Variants in TEC observed in about 807,000 individuals in gnomAD.
TEC encodes tec protein tyrosine kinase, also known as tyrosine-protein kinase Tec.
TEC carries 72 observed loss-of-function variants against 93.0 expected under a neutral mutation model. That is an observed-to-expected ratio of 0.77 (90% CI 0.64 to 0.94). The LOEUF (loss-of-function observed/expected upper bound fraction) is 0.94. TEC is among the 40% of genes least tolerant of loss of function. TEC has a pLI of 0.00. For synonymous variants in TEC, 249 were observed against 247.7 expected, an observed-to-expected ratio of 1.01 and a Z score of -0.05; for missense variants, 630 against 757.9, an observed-to-expected ratio of 0.83 and a Z score of 1.98.
At chr4:48,206,777 CAAAAAAAAAAAAA>C (rs34761710) in intron 2 of TEC, among the ~76,000 whole-genome samples, 5 of 89,218 alleles carry the variant, frequency 5.6e-5, no homozygotes, top group African/African-American at 7.7e-5. Flanking sequence ...CTCGTTGCTA[CAAAAAAAAAAAAA>C]AAAAAAAAAA....
At chr4:48,144,241 T>C (rs1236033101) in intron 14 of TEC, among the ~76,000 whole-genome samples, 1 of 152,168 alleles carries the variant, frequency 6.6e-6, no homozygotes, top group Non-Finnish European at 1.5e-5. Flanking sequence ...TTTTAAAGTT[T>C]TTCTGCTTTC....
chr4:48,228,544 A>C lies in TEC; in HGVS notation c.71T>G (p.Leu24Ter). The C allele has an allele frequency of 6.2e-7, 1 of 1,613,822 alleles. No homozygotes were observed. The highest frequency in any genetic ancestry group is 8.5e-7 in the Non-Finnish European group (1 of 1,179,976). The change falls in exon 2 of 18, where the codon TTA becomes TGA. Residue 24 changes from leucine to a stop codon, truncating the protein, a stop_gained. Coordinates refer to ENST00000381501, the MANE Select transcript of TEC (RefSeq NM_003215.3). LOFTEE classifies it high-confidence loss of function. ...RSQQKKKTSP[L>*]NYKERLFVLT... ...TACAAAAAGTCTCTCTTTGTAGTTTAAGGGCGATGTCTTCTTTTTCTGCTG... is the reference window on the plus strand; with the variant it reads ...TACAAAAAGTCTCTCTTTGTAGTTTCAGGGCGATGTCTTCTTTTTCTGCTG...
intron 2 of TEC, 27 bp downstream of exon 2, chr4:48,228,450 G>T: frequency 6.4e-7 from 1 of 1,552,350 alleles, no homozygotes; most frequent in Non-Finnish European, 8.7e-7. Flanking sequence ...ATAGAAAGCA[G>T]AAAAGTAAAT....
chr4:48,207,491 G>T (rs1168088668), intron 2 of TEC, among the ~76,000 whole-genome samples: 2 of 151,982 alleles, frequency 1.3e-5, no homozygotes, highest in South Asian at 2.1e-4. Flanking sequence ...ACATGTTAAA[G>T]AATTTCCAGG....
chr4:48,190,033 G>C (rs1046958270), intron 2 of TEC, among the ~76,000 whole-genome samples: 1 of 152,130 alleles, frequency 6.6e-6, no homozygotes, highest in Non-Finnish European at 1.5e-5. Flanking sequence ...AGCATCATGG[G>C]AAGTAGGGTG....
At chr4:48,210,074 A>G (rs1004411164) in intron 2 of TEC, among the ~76,000 whole-genome samples, 1 of 152,230 alleles carries the variant, frequency 6.6e-6, no homozygotes. Flanking sequence ...ATGCAAAATC[A>G]TAAATGCAAA....
chr4:48,227,904 G>A (rs543536327), intron 2 of TEC, among the ~76,000 whole-genome samples: 1 of 152,244 alleles, frequency 6.6e-6, no homozygotes, highest in Non-Finnish European at 1.5e-5. Flanking sequence ...CACAAGCCAG[G>A]AGTGTGCTAA....
chr4:48,225,425 C>T (rs1291786415), intron 2 of TEC, among the ~76,000 whole-genome samples: 1 of 152,200 alleles, frequency 6.6e-6, no homozygotes, highest in African/African-American at 2.4e-5. Context: ...GATCCACCCA[C>T]CTCAGCTTCC....
intron 1 of TEC, among the ~76,000 whole-genome samples, chr4:48,264,785 C>T (rs13129386): frequency 0.35 from 53,722 of 151,846 alleles, 11,379 homozygotes; most frequent in Non-Finnish European, 0.47. Flanking sequence ...TACAGGCACA[C>T]GCCACCACGC....
At chr4:48,155,118 A>G (rs1720340007) in intron 9 of TEC, among the ~76,000 whole-genome samples, 1 of 152,196 alleles carries the variant, frequency 6.6e-6, no homozygotes, top group Non-Finnish European at 1.5e-5. Context: ...AAAACATAAA[A>G]TCATAAAGGT....
intron 8 of TEC, among the ~76,000 whole-genome samples, chr4:48,159,336 T>C (rs1313099351): frequency 6.6e-6 from 1 of 152,186 alleles, no homozygotes; most frequent in African/African-American, 2.4e-5. Context: ...GGAGCTGGCG[T>C]GCAGACATTA....
intron 2 of TEC, among the ~76,000 whole-genome samples, chr4:48,184,804 CACAT>C (rs1341934407): frequency 1.7e-4 from 26 of 148,686 alleles, no homozygotes; most frequent in African/African-American, 6.3e-4. Flanking sequence ...CACACACACA[CACAT>C]TAAATATTAT....
intron 7 of TEC, among the ~76,000 whole-genome samples, chr4:48,165,257 G>T (rs1042117758): frequency 6.6e-6 from 1 of 152,054 alleles, no homozygotes; most frequent in Admixed American, 6.5e-5. Flanking sequence ...ATAAACTGTT[G>T]GTTACCATTG....
chr4:48,254,643 C>T (rs1220635025), intron 1 of TEC, among the ~76,000 whole-genome samples: 2 of 152,246 alleles, frequency 1.3e-5, no homozygotes, highest in Non-Finnish European at 2.9e-5. Context: ...CAGATGGTGT[C>T]AGAGACCAAA....
chr4:48,243,179 CTT>C (rs138566725), intron 1 of TEC, among the ~76,000 whole-genome samples: 1 of 151,954 alleles, frequency 6.6e-6, no homozygotes, highest in Non-Finnish European at 1.5e-5. Context: ...TCCCGAAGAT[CTT>C]TTTTTTCCTG....
chr4:48,173,306 CA>C (rs918639952), intron 3 of TEC, among the ~76,000 whole-genome samples: 2 of 151,812 alleles, frequency 1.3e-5, no homozygotes, highest in African/African-American at 2.4e-5. Context: ...CTCCCCCCAC[CA>C]AAAAAAACCT....
chr4:48,188,240 T>C (rs929441678), intron 2 of TEC, among the ~76,000 whole-genome samples: 2 of 152,190 alleles, frequency 1.3e-5, no homozygotes, highest in African/African-American at 4.8e-5. Context: ...TTATATATAA[T>C]GTAAGGAAGA....
rs749349759 is a variant in TEC, at chr4:48,141,308, C to A, written c.1535+47G>T. The stretch of plus-strand genomic sequence containing the variant: ...ATTATTCCCACACTTATTAATTCCA[C>A]CAAAAAAATGCAAACATCACCTAAA... On this transcript the variant is annotated intron_variant, in intron 15 of 17. Coordinates refer to ENST00000381501, the MANE Select transcript of TEC (RefSeq NM_003215.3). 1.9e-6 allele frequency: 3 copies of A among 1,541,634 alleles called. No homozygotes were observed. The African/African-American group carries it at 4.1e-5, about 21-fold the overall frequency.
intron 2 of TEC, among the ~76,000 whole-genome samples, chr4:48,212,292 A>AAGGTTTGTTT (rs1474235264): frequency 6.6e-6 from 1 of 152,084 alleles, no homozygotes; most frequent in East Asian, 1.9e-4. Flanking sequence ...CACCCGTTGC[A>AAGGTTTGTTT]AGGTTTGTTA....
Sources: gnomAD v4.1 joint callset for allele counts (sites outside exome capture counted in the v4.1 genomes callset) on GRCh38, gnomAD v4.1.1 for gene constraint, MANE v1.5 for transcripts, NCBI Gene and HGNC (gene_info 2026-07-23, HGNC 2026-07-21) for gene names.